Variants in PRICKLE1 observed in about 807,000 individuals in gnomAD.
The protein encoded by PRICKLE1 is prickle-like protein 1.
PRICKLE1 carries 14 observed loss-of-function variants against 70.2 expected under a neutral mutation model. The observed-to-expected ratio is 0.20, with a 90% CI of 0.13 to 0.31. PRICKLE1 has a LOEUF of 0.31. PRICKLE1 is among the 10% of genes least tolerant of loss of function. The pLI, the probability that PRICKLE1 is intolerant of heterozygous loss-of-function variation, is 1.00. For synonymous variants in PRICKLE1, 357 were observed against 379.9 expected, an observed-to-expected ratio of 0.94 and a Z score of 0.70; for missense variants, 821 against 1,026.2, an observed-to-expected ratio of 0.80 and a Z score of 2.73.
intron 1 of PRICKLE1, among the ~76,000 whole-genome samples, chr12:42,568,151 G>C (rs1940652690): frequency 6.6e-6 from 1 of 152,190 alleles, no homozygotes; most frequent in African/African-American, 2.4e-5. Flanking sequence ...TGAAAAATAG[G>C]GAACACTTTT....
intron 1 of PRICKLE1, among the ~76,000 whole-genome samples, chr12:42,552,441 C>G (rs1213266588): frequency 6.6e-6 from 1 of 152,210 alleles, no homozygotes; most frequent in Admixed American, 6.5e-5. Flanking sequence ...TAACAGGAAA[C>G]TAAGTAAGAC....
rs140030747 is a variant in PRICKLE1 at position 42,572,583 on chromosome 12, A to T, written c.-49+16882T>A. ...CAAGCTTGTAATTCTAGCTCTTTGG[A>T]AGGCTGGGGTAGAAGGGTCATTTGA... On this transcript the variant is annotated intron_variant, in intron 1 of 7. Transcript: ENST00000345127. 7.7e-3 allele frequency among the ~76,000 whole-genome samples: 1,177 copies of T among 152,130 alleles called. 10 individuals carry two copies. The highest frequency in any genetic ancestry group is 0.024 in the Middle Eastern group (7 of 294).
intron 1 of PRICKLE1, among the ~76,000 whole-genome samples, chr12:42,574,765 T>C (rs1940776227): frequency 6.6e-6 from 1 of 152,240 alleles, no homozygotes; most frequent in Admixed American, 6.5e-5. Flanking sequence ...TTTATACCGT[T>C]GTGGAGGTTT....
chr12:42,584,057 G>T (rs776253529), intron 1 of PRICKLE1, among the ~76,000 whole-genome samples: 1 of 152,042 alleles, frequency 6.6e-6, no homozygotes, highest in Non-Finnish European at 1.5e-5. Context: ...TTCTAAAAAG[G>T]GTTCAGTGTT....
chr12:42,550,103 C>G (rs1337303630), intron 1 of PRICKLE1: 2 of 152,400 alleles, frequency 1.3e-5, no homozygotes, highest in African/African-American at 4.8e-5. Context: ...ACCCACATTG[C>G]AAGCCCCTTG....
chr12:42,529,174 T>C (rs1276933181), intron 1 of PRICKLE1, among the ~76,000 whole-genome samples: 2 of 152,342 alleles, frequency 1.3e-5, no homozygotes, highest in African/African-American at 4.8e-5. Context: ...CCTTCAAAAC[T>C]AGATATTTTA....
chr12:42,514,155 T>C (rs1374458778), intron 1 of PRICKLE1, among the ~76,000 whole-genome samples: 1 of 152,220 alleles, frequency 6.6e-6, no homozygotes, highest in Non-Finnish European at 1.5e-5. Context: ...GGCATCATCA[T>C]TGCAATAAAA....
chr12:42,537,966 T>C (rs1940042813), intron 1 of PRICKLE1, among the ~76,000 whole-genome samples: 1 of 152,176 alleles, frequency 6.6e-6, no homozygotes, highest in South Asian at 2.1e-4. Context: ...AAAAACACTT[T>C]CCCAAGGTCA....
chr12:42,560,050 TTAAGG>T (rs969987795), intron 1 of PRICKLE1, among the ~76,000 whole-genome samples: 13 of 151,306 alleles, frequency 8.6e-5, no homozygotes, highest in African/African-American at 3.1e-4. Context: ...CTCTTCAAAC[TTAAGG>T]TAAAGTATTA....
intron 3 of PRICKLE1, 97 bp from the exon 4 acceptor site, chr12:42,469,684 A>T: frequency 6.6e-7 from 1 of 1,515,930 alleles, no homozygotes; most frequent in Non-Finnish European, 9.1e-7. Flanking sequence ...GTGAAACAGT[A>T]AGTTTAGCTC....
At chr12:42,516,171 G>A (rs924826445) in intron 1 of PRICKLE1, among the ~76,000 whole-genome samples, 7 of 151,564 alleles carry the variant, frequency 4.6e-5, no homozygotes, top group African/African-American at 1.5e-4. Flanking sequence ...TCGCTCTGTC[G>A]CTCAGGCTGG....
chr12:42,503,142 C>T (rs571049702), intron 1 of PRICKLE1, among the ~76,000 whole-genome samples: 2 of 152,270 alleles, frequency 1.3e-5, no homozygotes, highest in South Asian at 4.1e-4. Context: ...ATAAGAGACG[C>T]AATACAAAAA....
At chr12:42,540,610 T>C (rs1361225274) in intron 1 of PRICKLE1, among the ~76,000 whole-genome samples, 1 of 152,190 alleles carries the variant, frequency 6.6e-6, no homozygotes, top group Non-Finnish European at 1.5e-5. Flanking sequence ...TTGCCCAGGC[T>C]GGAGTACAAT....
At chr12:42,533,529 G>A (rs1669943) in intron 1 of PRICKLE1, among the ~76,000 whole-genome samples, 50,978 of 151,904 alleles carry the variant, frequency 0.34, 8,679 homozygotes, top group Non-Finnish European at 0.37. Flanking sequence ...AGAACTGTGG[G>A]AAAATTATTT....
intron 1 of PRICKLE1, among the ~76,000 whole-genome samples, chr12:42,521,223 A>G (rs1939703971): frequency 6.6e-6 from 1 of 152,158 alleles, no homozygotes; most frequent in Non-Finnish European, 1.5e-5. Flanking sequence ...GAGTCTCTGT[A>G]GGCAATTTAT....
intron 1 of PRICKLE1, among the ~76,000 whole-genome samples, chr12:42,554,903 C>T (rs932057735): frequency 3.3e-5 from 5 of 149,988 alleles, no homozygotes; most frequent in African/African-American, 9.8e-5. Flanking sequence ...TTTTCTTACA[C>T]GAGTACCTCA....
intron 1 of PRICKLE1, among the ~76,000 whole-genome samples, chr12:42,487,351 G>T (rs1939008170): frequency 6.6e-6 from 1 of 152,140 alleles, no homozygotes; most frequent in Non-Finnish European, 1.5e-5. Context: ...GGGCTAACAG[G>T]CATTATAAAG....
intron 1 of PRICKLE1, among the ~76,000 whole-genome samples, chr12:42,476,010 G>A (rs1331247424): frequency 6.8e-6 from 1 of 146,036 alleles, no homozygotes; most frequent in East Asian, 2.1e-4. Context: ...TGAGGGAGGA[G>A]AATTGCTTGA....
chr12:42,485,486 C>T (rs1232603872), intron 1 of PRICKLE1: 1 of 152,100 alleles, frequency 6.6e-6, no homozygotes, highest in East Asian at 1.9e-4. Context: ...CAAAGGTTAC[C>T]ATTTTCCTCT....
Sources: gnomAD v4.1 joint callset for allele counts (sites outside exome capture counted in the v4.1 genomes callset) on GRCh38, gnomAD v4.1.1 for gene constraint, MANE v1.5 for transcripts, NCBI Gene and HGNC (gene_info 2026-07-23, HGNC 2026-07-21) for gene names.